Variants in B4GALT4 observed in about 807,000 individuals in gnomAD.
B4GALT4 encodes the protein beta-1,4-galactosyltransferase 4, also known as N-acetyllactosamine synthase.
A neutral mutation model predicts 37.3 loss-of-function variants in B4GALT4; 27 were observed. The observed-to-expected ratio is 0.72, with a 90% CI of 0.53 to 1.00. B4GALT4 has a LOEUF of 1.00. B4GALT4 is among the 50% of genes least tolerant of loss of function. The probability of loss-of-function intolerance (pLI) is 0.00; values close to 1 mark genes in which losing one functional copy is unlikely to be tolerated. For synonymous variants in B4GALT4, 148 were observed against 154.1 expected (o/e 0.96, Z 0.29); for missense variants, 372 against 413.1 (o/e 0.90, Z 0.86).
intron 2 of B4GALT4, chr3:119,232,618 G>C (rs1054923077): frequency 7.9e-5 from 12 of 152,276 alleles, no homozygotes; most frequent in African/African-American, 2.9e-4. Flanking sequence ...GGGACTGTCT[G>C]ATCAAATGCC....
chr3:119,233,417 C>T (rs1324887818), intron 2 of B4GALT4, among the ~76,000 whole-genome samples: 1 of 152,190 alleles, frequency 6.6e-6, no homozygotes, highest in African/African-American at 2.4e-5. Context: ...CACTTATACT[C>T]AGATTGTTTT....
At chr3:119,224,020 C>T in intron 5 of B4GALT4, 38 bp downstream of exon 5, 5 of 1,565,250 alleles carry the variant, frequency 3.2e-6, no homozygotes, top group Non-Finnish European at 4.3e-6. Context: ...AATAGTTGAG[C>T]TTCTCGACCT....
chr3:119,222,044 T>C (rs1239422862), intron 5 of B4GALT4, among the ~76,000 whole-genome samples: 1 of 152,184 alleles, frequency 6.6e-6, no homozygotes, highest in Non-Finnish European at 1.5e-5. Context: ...ATGGTTCAGC[T>C]TAATAGAAAG....
At chr3:119,221,182 G>C (rs561249183) in intron 5 of B4GALT4, among the ~76,000 whole-genome samples, 1 of 152,134 alleles carries the variant, frequency 6.6e-6, no homozygotes, top group Admixed American at 6.5e-5. Flanking sequence ...AATAACAATA[G>C]AATCCTTGTA....
Position 119,236,988 on chromosome 3 carries a change from C to T in B4GALT4, c.-281G>A, listed in dbSNP as rs546410383. The T allele has an allele frequency of 2.3e-4, 35 of 152,244 alleles. No individual in the cohort carries two copies. The highest frequency in any genetic ancestry group is 7.0e-4 in the African/African-American group (29 of 41,522). The allele number at this position is 152,244 out of a possible 1,614,324, so 9.4% of individuals were successfully genotyped here. A position where few individuals can be genotyped will look rare whatever the true frequency, so the allele number is the denominator to read the frequency against. On this transcript the variant is annotated 5_prime_UTR_variant, in exon 2 of 8. Transcript: ENST00000393765. ...TTCATGAAGCCACAAAGTGCCACTG[C>T]GTGAGTTCCGTGGCACATTGGAACA...
At chr3:119,222,420 GA>G (rs1293012052) in intron 5 of B4GALT4, among the ~76,000 whole-genome samples, 4 of 151,850 alleles carry the variant, frequency 2.6e-5, no homozygotes, top group Non-Finnish European at 5.9e-5. Flanking sequence ...TTGCCCTCTG[GA>G]TCCACAGCCC....
Position 119,216,345 on chromosome 3 carries a change from C to T in B4GALT4, c.798-1G>A, listed in dbSNP as rs1335302770. On this transcript the variant is annotated splice_acceptor_variant, in intron 6 of 7. Transcript: ENST00000393765. LOFTEE classifies it high-confidence loss of function. The stretch of plus-strand genomic sequence containing the variant: ...AATTTTCATTCTTTGGAGCTCAACC[C>T]TAGAAAAATAATAGAGATTTTTTTA... 6.2e-7 allele frequency: 1 copy of T among 1,608,898 alleles called. No individual in the cohort carries two copies. The highest frequency in any genetic ancestry group is 2.2e-5 in the East Asian group (1 of 44,818).
intron 2 of B4GALT4, among the ~76,000 whole-genome samples, chr3:119,235,532 G>A (rs922345316): frequency 7.9e-5 from 12 of 152,294 alleles, no homozygotes; most frequent in African/African-American, 2.9e-4. Context: ...AACACCAGAA[G>A]AAAGACTGAT....
rs1389531863 is a variant in B4GALT4, at chr3:119,212,201, CT to C, written c.*347del. 2.8e-6 allele frequency: 2 copies of C among 702,910 alleles called. No homozygotes were observed. The highest frequency in any genetic ancestry group is 3.5e-5 in the African/African-American group (2 of 57,260). The allele number at this position is 702,910 out of a possible 1,614,324, so 43.5% of individuals were successfully genotyped here. A position where few individuals can be genotyped will look rare whatever the true frequency, so the allele number is the denominator to read the frequency against. On this transcript the variant is annotated 3_prime_UTR_variant, in exon 8 of 8. Transcript: ENST00000393765. ...ATTCAGCAGTCTTATTTCCTGTGGCCTTTTATCCCATAATATATTACTTCAA... is the reference window on the plus strand; with the variant it reads ...ATTCAGCAGTCTTATTTCCTGTGGCCTTTATCCCATAATATATTACTTCAA...
rs2078363781 is a variant in B4GALT4 at position 119,218,784 on chromosome 3, G to C, written c.675-12C>G. The C allele has an allele frequency of 6.2e-7, 1 of 1,613,874 alleles. No homozygotes were observed. The highest frequency in any genetic ancestry group is 8.5e-7 in the Non-Finnish European group (1 of 1,179,960). On this transcript the variant is annotated splice_polypyrimidine_tract_variant and intron_variant, in intron 5 of 7. Transcript: ENST00000393765. ...CACTGTAACGTAACCTGGAGCAAAA[G>C]AGATGAGAGAAATGGTAAGAATATT...
chr3:119,222,984 C>T (rs1243438551), intron 5 of B4GALT4, among the ~76,000 whole-genome samples: 1 of 152,212 alleles, frequency 6.6e-6, no homozygotes, highest in East Asian at 1.9e-4. Context: ...GAGAGCAACA[C>T]AGAAGCCCAG....
intron 1 of B4GALT4, among the ~76,000 whole-genome samples, chr3:119,237,317 C>A (rs1017619163): frequency 1.5e-4 from 23 of 152,178 alleles, no homozygotes; most frequent in African/African-American, 5.5e-4. Flanking sequence ...TATAACAGGG[C>A]TCTGAAGTCA....
At chr3:119,224,323 G>A (rs774854756) in intron 4 of B4GALT4, 78 bp from the exon 5 acceptor site, 2 of 1,147,538 alleles carry the variant, frequency 1.7e-6, no homozygotes, top group Non-Finnish European at 2.5e-6. Flanking sequence ...TAGGATTCAG[G>A]AGATGGTATT....
At position 119,226,828 on chromosome 3, in the gene B4GALT4, C is replaced by T; in HGVS notation, c.467G>A (p.Gly156Asp). Residue 156 changes from glycine to aspartate, a missense_variant, in exon 4 of 8, where the codon GGC (glycine) becomes GAC (aspartate). Coordinates refer to ENST00000393765, the MANE Select transcript of B4GALT4 (RefSeq NM_003778.4). ...PFLQRQQLDYGIYVIHQAEGK... is the reference protein window; with the variant it reads ...PFLQRQQLDYDIYVIHQAEGK... ...GCTCACCTGGTGGATGACGTAGATGCCATAATCCAGCTGCTGCCTCTGCAG... is the reference window on the plus strand; with the variant it reads ...GCTCACCTGGTGGATGACGTAGATGTCATAATCCAGCTGCTGCCTCTGCAG... 2 of 1,613,750 alleles carry T rather than the reference C, an allele frequency of 1.2e-6. No homozygotes were observed. The highest frequency in any genetic ancestry group is 1.7e-6 in the Non-Finnish European group (2 of 1,179,958).
intron 1 of B4GALT4, among the ~76,000 whole-genome samples, chr3:119,238,844 T>G (rs1199605470): frequency 1.3e-5 from 2 of 152,176 alleles, no homozygotes; most frequent in African/African-American, 2.4e-5. Context: ...GTTACATAAG[T>G]TTGACAATTC....
At chr3:119,233,183 G>A (rs902054454) in intron 2 of B4GALT4, 3 of 152,190 alleles carry the variant, frequency 2.0e-5, no homozygotes, top group Non-Finnish European at 4.4e-5. Context: ...AGTGGAAGGA[G>A]GTTATGACCA....
chr3:119,224,210 C>T lies in B4GALT4; in HGVS notation c.522G>A (p.Leu174=), dbSNP rs779691162. Residue 174 remains leucine (L), a synonymous_variant, in exon 5 of 8, where the codon TTG becomes TTA. Transcript: ENST00000393765. ...TGAGGGCTTCTAGATAGCCCACATT[C>T]AAGAGTTTGGCTCGATTAAACTTTT... ...EGKKFNRAKL[L]NVGYLEALKE... is the part of the protein sequence containing the mutation. 2.5e-6 allele frequency: 4 copies of T among 1,611,970 alleles called. No homozygotes were observed. The highest frequency in any genetic ancestry group is 3.4e-6 in the Non-Finnish European group (4 of 1,179,286).
chr3:119,229,786 ATAT>A, intron 3 of B4GALT4, 58 bp downstream of exon 3: 1 of 1,554,632 alleles, frequency 6.4e-7, no homozygotes, highest in Non-Finnish European at 8.8e-7. Context: ...AGGCAAGTAC[ATAT>A]TATACTTAAA....
At chr3:119,236,651 T>C (rs1291451873) in intron 2 of B4GALT4, among the ~76,000 whole-genome samples, 6 of 152,184 alleles carry the variant, frequency 3.9e-5, no homozygotes, top group Non-Finnish European at 8.8e-5. Flanking sequence ...GATATACTAG[T>C]TGAAATACAC....
Sources: gnomAD v4.1 joint callset for allele counts (sites outside exome capture counted in the v4.1 genomes callset) on GRCh38, gnomAD v4.1.1 for gene constraint, MANE v1.5 for transcripts, NCBI Gene and HGNC (gene_info 2026-07-23, HGNC 2026-07-21) for gene names.